LRRIQ1: variants seen among roughly 807,000 people sequenced by gnomAD.
LRRIQ1 encodes leucine-rich repeat- and IQ domain-containing protein 1.
LRRIQ1 carries 210 observed loss-of-function variants against 211.9 expected under a neutral mutation model. That is an observed-to-expected ratio of 0.99 (90% CI 0.89 to 1.11). LRRIQ1 has a LOEUF of 1.11. LRRIQ1 is among the 50% of genes most tolerant of loss of function. The pLI, the probability that LRRIQ1 is intolerant of heterozygous loss-of-function variation, is 0.00. For missense variants in LRRIQ1, 2,136 were observed against 1,939.5 expected, an observed-to-expected ratio of 1.10 and a Z score of -1.90; for synonymous variants, 699 against 650.1, an observed-to-expected ratio of 1.08 and a Z score of -1.14.
intron 15 of LRRIQ1, among the ~76,000 whole-genome samples, chr12:85,111,038 T>TAAAA (rs1887135154): frequency 6.6e-6 from 1 of 152,114 alleles, no homozygotes; most frequent in Admixed American, 6.6e-5. Context: ...GTAATATAGG[T>TAAAA]TAGGCTTCAT....
At chr12:85,240,267 C>T (rs533947947) in intron 26 of LRRIQ1, among the ~76,000 whole-genome samples, 4 of 152,148 alleles carry the variant, frequency 2.6e-5, no homozygotes, top group African/African-American at 9.7e-5. Context: ...TAATACCACT[C>T]TACCCCATTA....
At chr12:85,170,875 C>A (rs1891383481) in intron 24 of LRRIQ1, among the ~76,000 whole-genome samples, 1 of 151,962 alleles carries the variant, frequency 6.6e-6, no homozygotes, top group Non-Finnish European at 1.5e-5. Context: ...TTGCCTAGGT[C>A]AACTGGAAAT....
At chr12:85,223,713 A>G (rs1894513851) in intron 24 of LRRIQ1, among the ~76,000 whole-genome samples, 1 of 152,164 alleles carries the variant, frequency 6.6e-6, no homozygotes, top group Admixed American at 6.6e-5. Flanking sequence ...ACTAAAATCA[A>G]CCAATGGTCA....
At chr12:85,218,277 A>G (rs1040296481) in intron 24 of LRRIQ1, among the ~76,000 whole-genome samples, 1 of 151,956 alleles carries the variant, frequency 6.6e-6, no homozygotes, top group South Asian at 2.1e-4. Context: ...TGTGTTAATC[A>G]TCAGTCTTTC....
intron 26 of LRRIQ1, among the ~76,000 whole-genome samples, chr12:85,238,440 A>C (rs1283765433): frequency 6.6e-6 from 1 of 152,160 alleles, no homozygotes; most frequent in African/African-American, 2.4e-5. Flanking sequence ...CTCATAATCA[A>C]ATTGCTGAAA....
rs570783219 is a variant in LRRIQ1, at chr12:85,147,070, A to T, written c.4330-5210A>T. 3.9e-5 allele frequency among the ~76,000 whole-genome samples: 6 copies of T among 151,964 alleles called. No homozygotes were observed. In the South Asian group the frequency reaches 1.2e-3, roughly 32 times the overall value. ...AAGGAGGTGATAGAGGTAGGCGCAG[A>T]CTATCAGTTCATTGTTGATTAGCTT... On this transcript the variant is annotated intron_variant, in intron 19 of 26. Transcript: ENST00000393217.
chr12:85,124,555 A>G (rs746998916), intron 17 of LRRIQ1, 36 bp downstream of exon 17: 3 of 1,476,258 alleles, frequency 2.0e-6, no homozygotes, highest in South Asian at 1.2e-5. Context: ...TTATAGATGT[A>G]TGTTTACTCC....
intron 15 of LRRIQ1, among the ~76,000 whole-genome samples, chr12:85,111,966 A>ACT (rs1447081392): frequency 6.7e-6 from 1 of 149,996 alleles, no homozygotes; most frequent in African/African-American, 2.4e-5. Flanking sequence ...ACACACACAC[A>ACT]CACTCTCTCT....
At chr12:85,193,971 G>A (rs1892743526) in intron 24 of LRRIQ1, among the ~76,000 whole-genome samples, 3 of 146,300 alleles carry the variant, frequency 2.1e-5, no homozygotes, top group Non-Finnish European at 3.0e-5. Flanking sequence ...TAAAAGGATG[G>A]AGGAAGATCT....
chr12:85,072,882 G>C, intron 10 of LRRIQ1, 25 bp from the exon 11 acceptor site: 2 of 1,548,088 alleles, frequency 1.3e-6, no homozygotes, highest in Non-Finnish European at 1.8e-6. Flanking sequence ...TATATATTTG[G>C]TCTTAATTCT....
chr12:85,077,123 A>C lies in LRRIQ1; in HGVS notation c.2887+4025A>C. On this transcript the variant is annotated intron_variant, in intron 11 of 26. Transcript: ENST00000393217. ...AGACATGGCAATCAGTGAACAGCTG[A>C]AGGAGGTTGATCTTCAGTGAAAAAC... Among the ~76,000 whole-genome samples, 2 of 152,190 alleles carry C rather than the reference A, an allele frequency of 1.3e-5. 1 individual carries two copies. Among genetic ancestry groups the C allele is most frequent in the East Asian group, 3.9e-4 (2 of 5,190 alleles).
intron 11 of LRRIQ1, among the ~76,000 whole-genome samples, chr12:85,079,244 CTTTTTTTTTTT>C (rs3058476): frequency 1.9e-5 from 2 of 103,578 alleles, no homozygotes; most frequent in East Asian, 7.1e-4. Flanking sequence ...GTATCTTTAT[CTTTTTTTTTTT>C]TTTTTTTTTT....
At chr12:85,147,788 C>A (rs1240427630) in intron 19 of LRRIQ1, among the ~76,000 whole-genome samples, 4 of 151,222 alleles carry the variant, frequency 2.6e-5, no homozygotes, top group Non-Finnish European at 4.4e-5. Flanking sequence ...ACAAGTGAAA[C>A]CTTTTGGGAC....
chr12:85,052,084 T>G, intron 6 of LRRIQ1, 93 bp from the exon 7 acceptor site: 1 of 724,846 alleles, frequency 1.4e-6, no homozygotes. Context: ...CTTTAACTAT[T>G]GTTTACAAAT....
intron 13 of LRRIQ1, among the ~76,000 whole-genome samples, chr12:85,099,698 C>T (rs906990640): frequency 6.6e-6 from 1 of 151,730 alleles, no homozygotes; most frequent in African/African-American, 2.4e-5. Context: ...CCACCTTTAA[C>T]AATAAATTGT....
intron 24 of LRRIQ1, among the ~76,000 whole-genome samples, chr12:85,227,382 G>A (rs1413213518): frequency 5.3e-5 from 8 of 152,000 alleles, no homozygotes; most frequent in Admixed American, 6.6e-5. Flanking sequence ...CCATTAACTC[G>A]TCATTTAGTA....
intron 15 of LRRIQ1, among the ~76,000 whole-genome samples, chr12:85,120,521 C>T (rs188552219): frequency 6.6e-6 from 1 of 152,210 alleles, no homozygotes; most frequent in East Asian, 1.9e-4. Context: ...GATCTTTTAC[C>T]TCTCTATATA....
At chr12:85,053,677 A>C (rs888281724) in intron 7 of LRRIQ1, among the ~76,000 whole-genome samples, 4 of 152,114 alleles carry the variant, frequency 2.6e-5, no homozygotes, top group Non-Finnish European at 4.4e-5. Context: ...AGATTTTCTC[A>C]ATCTTTGTTT....
At chr12:85,064,673 A>G (rs558505053) in intron 8 of LRRIQ1, among the ~76,000 whole-genome samples, 4 of 151,716 alleles carry the variant, frequency 2.6e-5, no homozygotes, top group Non-Finnish European at 4.4e-5. Flanking sequence ...AGATTTAAGT[A>G]TGTTTAATCT....
Sources: allele counts gnomAD v4.1 joint callset (sites outside exome capture counted in the v4.1 genomes callset), GRCh38; gene constraint gnomAD v4.1.1; transcripts MANE v1.5; gene names NCBI Gene and HGNC (gene_info 2026-07-23, HGNC 2026-07-21).